KIN: variants seen among roughly 807,000 people sequenced by gnomAD.
KIN encodes DNA/RNA-binding protein KIN17.
Under a neutral mutation model 63.0 loss-of-function variants are expected in KIN, and 47 were observed. The ratio of observed to expected loss-of-function variants is 0.75; its 90% CI spans 0.59 to 0.95. The LOEUF is 0.95. KIN is among the 40% of genes least tolerant of loss of function. KIN has a pLI of 0.00. For synonymous variants in KIN, 160 were observed against 157.7 expected (o/e 1.01, Z -0.11); for missense variants, 408 against 460.9 (o/e 0.89, Z 1.05).
rs1273585298 is a variant in KIN at position 7,752,461 on chromosome 10, A to G, written c.*3619T>C. ...GAGATGCAGAGCAGCAGGAACTCTC[A>G]TTCACTGCTCGTTTGAATACAAAAT... On this transcript the variant is annotated 3_prime_UTR_variant, in exon 13 of 13. Coordinates refer to ENST00000379562, the MANE Select transcript of KIN (RefSeq NM_012311.4). 1 of 152,244 alleles carries G rather than the reference A, an allele frequency of 6.6e-6. No individual in the cohort carries two copies. Among genetic ancestry groups the G allele is most frequent in the East Asian group, 1.9e-4 (1 of 5,200 alleles). 9.4% of individuals were successfully genotyped at this position (152,244 alleles called of 1,614,324 possible).
In KIN at chr10:7,769,388, C is replaced by T. The variant is rs1391329389; in HGVS notation, c.669-43G>A. The T allele has an allele frequency of 2.5e-6, 4 of 1,578,344 alleles. No homozygotes were observed. The Admixed American group carries it at 5.7e-5, about 23-fold the overall frequency. On this transcript the variant is annotated intron_variant, in intron 7 of 12. Transcript: ENST00000379562. ...CATGCTTGTTACCAAGAACCATACACAGACGAATGCTTTACGATGTGCAAA... is the reference window on the plus strand; with the variant it reads ...CATGCTTGTTACCAAGAACCATACATAGACGAATGCTTTACGATGTGCAAA...
chr10:7,765,638 C>G (rs1164539106), intron 9 of KIN, among the ~76,000 whole-genome samples: 1 of 152,142 alleles, frequency 6.6e-6, no homozygotes, highest in Admixed American at 6.5e-5. Context: ...TTAAAGCCTG[C>G]TTTTCTCCAC....
intron 5 of KIN, among the ~76,000 whole-genome samples, chr10:7,776,530 A>C (rs943999754): frequency 7.3e-5 from 11 of 151,154 alleles, no homozygotes; most frequent in Non-Finnish European, 1.5e-4. Flanking sequence ...TGAAAGAGCG[A>C]GACGAGCCTG....
At position 7,753,493 on chromosome 10, in the gene KIN, C is replaced by T. The variant is rs570298488; in HGVS notation, c.*2587G>A. 9 of 152,256 alleles carry T rather than the reference C, an allele frequency of 5.9e-5. No homozygotes were observed. Among genetic ancestry groups the T allele is most frequent in the Non-Finnish European group, 1.3e-4 (9 of 68,074 alleles). The allele number at this position is 152,256 out of a possible 1,614,324, so 9.4% of individuals were successfully genotyped here. On this transcript the variant is annotated 3_prime_UTR_variant, in exon 13 of 13. Coordinates refer to ENST00000379562, the MANE Select transcript of KIN (RefSeq NM_012311.4). ...TAGTAGTCCAGGCTCAACTTCTTGG[C>T]TTCATTTCTGGACATGACCACTCAC...
At chr10:7,773,450 G>A (rs1041593590) in intron 7 of KIN, among the ~76,000 whole-genome samples, 1 of 152,194 alleles carries the variant, frequency 6.6e-6, no homozygotes, top group Non-Finnish European at 1.5e-5. Context: ...TAAGGCATGT[G>A]TGTTATATTT....
intron 10 of KIN, 63 bp downstream of exon 10, chr10:7,763,660 A>G: frequency 1.1e-6 from 1 of 875,164 alleles, no homozygotes; most frequent in South Asian, 1.5e-5. Context: ...GAAATACCAA[A>G]ATAGCTTCAC....
chr10:7,787,918 A>T lies in KIN; in HGVS notation c.16T>A (p.Phe6Ile). 6.2e-7 allele frequency: 1 copy of T among 1,613,646 alleles called. No homozygotes were observed. The highest frequency in any genetic ancestry group is 1.7e-5 in the Admixed American group (1 of 60,020). The part of the protein sequence containing the change: MGKSD[F>I]LTPKAIANRI... The stretch of plus-strand genomic sequence containing the variant: ...TTGGCGATAGCCTTGGGAGTAAGAA[A>T]ATCCGACTTCCCCATGGCGACCACG... The change falls in exon 1 of 13, where the codon TTT becomes ATT. Residue 6 changes from phenylalanine to isoleucine, a missense_variant. Around this residue, in one of 2 missense-constraint regions of KIN, gnomAD observed 110 missense variants for 164.9 expected, o/e 0.67. Transcript: ENST00000379562.
At chr10:7,773,748 T>C (rs1267833846) in intron 7 of KIN, among the ~76,000 whole-genome samples, 1 of 152,038 alleles carries the variant, frequency 6.6e-6, no homozygotes, top group Non-Finnish European at 1.5e-5. Context: ...AAAAACAACA[T>C]GTAAAGTACT....
chr10:7,785,731 T>C (rs1308759678), intron 1 of KIN, among the ~76,000 whole-genome samples: 1 of 151,704 alleles, frequency 6.6e-6, no homozygotes. Context: ...TGAGAATCAC[T>C]TGAACCCGGG....
intron 8 of KIN, among the ~76,000 whole-genome samples, chr10:7,768,158 A>G (rs933044948): frequency 2.6e-5 from 4 of 152,148 alleles, no homozygotes; most frequent in African/African-American, 7.2e-5. Flanking sequence ...GGCCCTAAAT[A>G]TGGATAATCA....
intron 12 of KIN, among the ~76,000 whole-genome samples, chr10:7,757,454 C>T (rs761492558): frequency 4.0e-5 from 6 of 151,758 alleles, no homozygotes; most frequent in Non-Finnish European, 8.8e-5. Context: ...GCTGAGATCG[C>T]GCCATTGCAC....
intron 8 of KIN, among the ~76,000 whole-genome samples, chr10:7,767,823 C>T (rs1435127815): frequency 1.4e-5 from 2 of 145,434 alleles, no homozygotes; most frequent in Non-Finnish European, 3.0e-5. Flanking sequence ...TGCACCACTG[C>T]ACTCCAGCCT....
rs188450792 is a variant in KIN, at chr10:7,754,816, C to G, written c.*1264G>C. On this transcript the variant is annotated 3_prime_UTR_variant, in exon 13 of 13. Transcript: ENST00000379562. ...CCGGTCCCGCTGCCCTGGAAGCTAG[C>G]GTCTGCTCCTTTCAGTCATGTGCAC... The G allele has an allele frequency of 1.3e-5, 2 of 152,332 alleles. No individual in the cohort carries two copies. Among genetic ancestry groups the G allele is most frequent in the Non-Finnish European group, 2.9e-5 (2 of 68,106 alleles). 9.4% of individuals were successfully genotyped at this position (152,332 alleles called of 1,614,324 possible).
Position 7,787,887 on chromosome 10 carries a change from A to T in KIN, c.47T>A (p.Ile16Asn). The T allele has an allele frequency of 1.2e-6, 2 of 1,614,142 alleles. No individual in the cohort carries two copies. Among genetic ancestry groups the T allele is most frequent in the Non-Finnish European group, 1.7e-6 (2 of 1,179,996 alleles). ...TAGCTTCTGCAGCCCCTTGGACTTG[A>T]TCCTGTTGGCGATAGCCTTGGGAGT... ...FLTPKAIANR[I>N]KSKGLQKLRW... The change falls in exon 1 of 13, where the codon ATC (isoleucine) becomes AAC (asparagine). Residue 16 changes from isoleucine to asparagine, a missense_variant. By Grantham distance (149) the Ile-to-Asn change is moderately radical. Transcript: ENST00000379562.
At chr10:7,782,926 T>C (rs965292897) in intron 2 of KIN, among the ~76,000 whole-genome samples, 155 bp downstream of exon 2, 3 of 151,942 alleles carry the variant, frequency 2.0e-5, no homozygotes, top group Non-Finnish European at 4.4e-5. Context: ...TTTTATACTA[T>C]GATTAATTTT....
chr10:7,770,560 C>T (rs188907269), intron 7 of KIN, among the ~76,000 whole-genome samples: 9 of 152,128 alleles, frequency 5.9e-5, no homozygotes, highest in Middle Eastern at 6.8e-3. Context: ...TTTGTATGTA[C>T]GACTCCTCTC....
At chr10:7,782,588 G>A (rs1260322975) in intron 2 of KIN, among the ~76,000 whole-genome samples, 4 of 151,918 alleles carry the variant, frequency 2.6e-5, no homozygotes, top group South Asian at 2.1e-4. Flanking sequence ...TAGTAGAGAC[G>A]GGGTTTTGTC....
chr10:7,758,347 G>A (rs1038450918), intron 12 of KIN, among the ~76,000 whole-genome samples: 1 of 152,130 alleles, frequency 6.6e-6, no homozygotes, highest in African/African-American at 2.4e-5. Flanking sequence ...TGGAATTACA[G>A]GCATGAGCCA....
chr10:7,777,136 G>A (rs1156561851), intron 5 of KIN, among the ~76,000 whole-genome samples: 1 of 148,396 alleles, frequency 6.7e-6, no homozygotes, highest in Non-Finnish European at 1.5e-5. Flanking sequence ...ATACCAAAAA[G>A]CAGCTTTTCT....
Sources: allele counts gnomAD v4.1 joint callset (sites outside exome capture counted in the v4.1 genomes callset), GRCh38; gene constraint gnomAD v4.1.1; regional missense constraint gnomAD v4.1.1; transcripts MANE v1.5; gene names NCBI Gene and HGNC (gene_info 2026-07-23, HGNC 2026-07-21).